The following PPM1L variants were observed in gnomAD, a reference collection of about 807,000 sequenced individuals.
PPM1L encodes protein phosphatase 1L.
Under a neutral mutation model 31.4 loss-of-function variants are expected in PPM1L, and 13 were observed. The ratio of observed to expected loss-of-function variants is 0.41; its 90% confidence interval spans 0.27 to 0.66. PPM1L has a LOEUF of 0.66. Ranked by LOEUF, PPM1L falls within the 30% of genes least tolerant of loss-of-function variation. PPM1L has a pLI of 0.29. For synonymous variants in PPM1L, 184 were observed against 175.4 expected (o/e 1.05, Z -0.39); for missense variants, 326 against 453.7 (o/e 0.72, Z 2.56).
intron 1 of PPM1L, among the ~76,000 whole-genome samples, chr3:160,789,202 T>C (rs1490884923): frequency 6.6e-6 from 1 of 151,952 alleles, no homozygotes; most frequent in Non-Finnish European, 1.5e-5. Flanking sequence ...GTTACTAGAC[T>C]TATTCTCAAG....
chr3:160,772,848 T>C (rs1374944157), intron 1 of PPM1L, among the ~76,000 whole-genome samples: 1 of 152,220 alleles, frequency 6.6e-6, no homozygotes, highest in Admixed American at 6.6e-5. Flanking sequence ...GGCCTTTTTT[T>C]TCTCAGCACA....
chr3:160,904,776 G>A (rs1713686077), intron 1 of PPM1L, among the ~76,000 whole-genome samples: 2 of 152,040 alleles, frequency 1.3e-5, no homozygotes, highest in Admixed American at 1.3e-4. Context: ...GAGATAGAGA[G>A]AGAGAGAGGG....
chr3:160,983,744 A>G (rs114583353), intron 2 of PPM1L, among the ~76,000 whole-genome samples: 3,408 of 152,202 alleles, frequency 0.022, 139 homozygotes, highest in African/African-American at 0.077. Flanking sequence ...TTTTCTATTT[A>G]CCTAAGTGTC....
In PPM1L at chr3:160,862,626, G is replaced by T. The variant is rs1313559521; in HGVS notation, c.400-99110G>T. 2.0e-5 allele frequency among the ~76,000 whole-genome samples: 3 copies of T among 149,858 alleles called. No homozygotes were observed. In the East Asian group the frequency reaches 5.9e-4, roughly 29 times the overall value. On this transcript the variant is annotated intron_variant, in intron 1 of 3. Coordinates refer to ENST00000498165, the MANE Select transcript of PPM1L (RefSeq NM_139245.4). ...GGCAGTCTTACATAGGAGATGTACA[G>T]AAAGTTTTAGTCTCCATTCCTAATC...
At chr3:161,041,991 T>C (rs1718923763) in intron 2 of PPM1L, among the ~76,000 whole-genome samples, 1 of 152,166 alleles carries the variant, frequency 6.6e-6, no homozygotes, top group Non-Finnish European at 1.5e-5. Flanking sequence ...CCCGTTCTCA[T>C]TCATTTACTT....
rs894766865 is a variant in PPM1L, at chr3:161,076,961, T to C, written c.*7804T>C. 6.6e-6 allele frequency: 1 copy of C among 152,204 alleles called. No individual in the cohort carries two copies. The highest frequency in any genetic ancestry group is 1.5e-5 in the Non-Finnish European group (1 of 68,034). The allele number at this position is 152,204 out of a possible 1,614,324, so 9.4% of individuals were successfully genotyped here. On this transcript the variant is annotated 3_prime_UTR_variant, in exon 4 of 4. Coordinates refer to ENST00000498165, the MANE Select transcript of PPM1L (RefSeq NM_139245.4). ...ACTATTATTGCTGTGTGTTTGTATATTTTATTCTTTCCTTTTTTGTGTGAG... is the reference window on the plus strand; with the variant it reads ...ACTATTATTGCTGTGTGTTTGTATACTTTATTCTTTCCTTTTTTGTGTGAG...
intron 1 of PPM1L, among the ~76,000 whole-genome samples, chr3:160,777,404 A>G (rs2108064555): frequency 6.6e-6 from 1 of 152,290 alleles, no homozygotes; most frequent in Admixed American, 6.5e-5. Flanking sequence ...CATTATAACC[A>G]TTTTTAAGTG....
chr3:160,914,999 G>C (rs1440873472), intron 1 of PPM1L, among the ~76,000 whole-genome samples: 1 of 152,096 alleles, frequency 6.6e-6, no homozygotes, highest in African/African-American at 2.4e-5. Flanking sequence ...GTGTGAGATG[G>C]TATCTCTTTA....
chr3:161,009,436 G>A (rs1717817915), intron 2 of PPM1L, among the ~76,000 whole-genome samples: 1 of 152,136 alleles, frequency 6.6e-6, no homozygotes, highest in Non-Finnish European at 1.5e-5. Context: ...TGCAGTGTTT[G>A]TTTTTTAATA....
At chr3:160,834,928 T>C (rs1160441115) in intron 1 of PPM1L, among the ~76,000 whole-genome samples, 2 of 152,056 alleles carry the variant, frequency 1.3e-5, no homozygotes, top group African/African-American at 2.4e-5. Flanking sequence ...AGGTTTTTTT[T>C]CCTCTGGGAT....
intron 2 of PPM1L, among the ~76,000 whole-genome samples, chr3:161,025,698 C>T (rs1718365032): frequency 6.6e-6 from 1 of 152,178 alleles, no homozygotes; most frequent in South Asian, 2.1e-4. Flanking sequence ...CTTGGATTTC[C>T]CAGCCTCCAG....
chr3:161,037,116 A>G (rs1273226593), intron 2 of PPM1L, among the ~76,000 whole-genome samples: 1 of 152,214 alleles, frequency 6.6e-6, no homozygotes, highest in East Asian at 1.9e-4. Flanking sequence ...TTGCGGTGGA[A>G]CTTAATTCTT....
At position 160,961,751 on chromosome 3, in the gene PPM1L, G is replaced by T. The variant is rs1715971128; in HGVS notation, c.415G>T (p.Val139Leu). The change falls in exon 2 of 4, where the codon GTA (valine) becomes TTA (leucine). Residue 139 changes from valine to leucine, a missense_variant. Coordinates refer to ENST00000498165, the MANE Select transcript of PPM1L (RefSeq NM_139245.4). ...GHGGETAAEY[V>L]KSRLPEALKQ... is the part of the protein sequence containing the mutation. ...TTATCTGCAGACTGCAGCTGAATAT[G>T]TAAAATCTCGACTCCCAGAGGCCCT... 6.3e-7 allele frequency: 1 copy of T among 1,582,892 alleles called. No homozygotes were observed. Among genetic ancestry groups the T allele is most frequent in the Non-Finnish European group, 8.6e-7 (1 of 1,169,288 alleles).
At chr3:160,758,648 G>A (rs1409248058) in intron 1 of PPM1L, among the ~76,000 whole-genome samples, 1 of 152,070 alleles carries the variant, frequency 6.6e-6, no homozygotes. Context: ...CCTGAAAGTT[G>A]CAGACCAAAA....
intron 2 of PPM1L, among the ~76,000 whole-genome samples, chr3:160,971,904 C>G (rs965321505): frequency 6.6e-6 from 1 of 152,146 alleles, no homozygotes; most frequent in Admixed American, 6.5e-5. Flanking sequence ...GCTGATACTA[C>G]AGGTTTACAC....
intron 1 of PPM1L, among the ~76,000 whole-genome samples, chr3:160,760,200 A>G (rs1292707449): frequency 6.6e-6 from 1 of 152,246 alleles, no homozygotes; most frequent in African/African-American, 2.4e-5. Context: ...ATATTTGAGA[A>G]AAGTGTGTCA....
intron 1 of PPM1L, among the ~76,000 whole-genome samples, chr3:160,892,238 C>T (rs1324378281): frequency 6.6e-6 from 1 of 152,176 alleles, no homozygotes; most frequent in Non-Finnish European, 1.5e-5. Context: ...CTGGCATCTG[C>T]TTGGCTTCTG....
chr3:160,786,157 CTGTG>C (rs1239014226), intron 1 of PPM1L, among the ~76,000 whole-genome samples: 5 of 69,196 alleles, frequency 7.2e-5, no homozygotes, highest in South Asian at 1.1e-3. Context: ...CTCTCTCTCT[CTGTG>C]TGTGTGTGTG....
At chr3:160,962,059 T>C in intron 2 of PPM1L, 149 bp downstream of exon 2, 1 of 501,938 alleles carries the variant, frequency 2.0e-6, no homozygotes, top group Non-Finnish European at 3.3e-6. Flanking sequence ...GCAGTTTTAG[T>C]CTCAAGATGG....
Sources: gnomAD v4.1 joint callset for allele counts (sites outside exome capture counted in the v4.1 genomes callset) on GRCh38, gnomAD v4.1.1 for gene constraint, MANE v1.5 for transcripts, NCBI Gene and HGNC (gene_info 2026-07-23, HGNC 2026-07-21) for gene names.